TTC3: variants seen among roughly 807,000 people sequenced by gnomAD.
TTC3 encodes E3 ubiquitin-protein ligase TTC3.
A neutral mutation model predicts 249.6 loss-of-function variants in TTC3; 180 were observed. That is an observed-to-expected ratio of 0.72 (90% CI 0.64 to 0.82). The LOEUF is 0.82. TTC3 is among the 40% of genes least tolerant of loss of function. The pLI is 0.00. For synonymous variants in TTC3, 717 were observed against 805.0 expected, an observed-to-expected ratio of 0.89 and a Z score of 1.85; for missense variants, 2,061 against 2,398.4, an observed-to-expected ratio of 0.86 and a Z score of 2.94.
At chr21:37,155,845 T>C (rs528817134) in intron 27 of TTC3, among the ~76,000 whole-genome samples, 2 of 152,282 alleles carry the variant, frequency 1.3e-5, no homozygotes, top group South Asian at 2.1e-4. Context: ...GACCCACATT[T>C]TGGGGAATAA....
Position 37,073,484 on chromosome 21 carries a change from G to A in TTC3, c.-12+120G>A. ...CTCCGTGGGTGTGTGGTGAGTGTGG[G>A]TGTGTGCGCGTCTCCTCGCGTCCCT... On this transcript the variant is annotated intron_variant, in intron 1 of 45. Coordinates refer to ENST00000355666, the Ensembl canonical transcript of TTC3. The A allele has an allele frequency of 2.0e-6, 2 of 986,210 alleles. No homozygotes were observed. The highest frequency in any genetic ancestry group is 9.3e-5 in the South Asian group (2 of 21,422). The allele number at this position is 986,210 out of a possible 1,614,324, so 61.1% of individuals were successfully genotyped here.
At chr21:37,123,109 C>A in intron 13 of TTC3, 81 bp downstream of exon 13, 2 of 1,437,132 alleles carry the variant, frequency 1.4e-6, no homozygotes, top group South Asian at 1.2e-5. Flanking sequence ...ATGTTTGACG[C>A]TTTAGGAGCT....
intron 15 of TTC3, among the ~76,000 whole-genome samples, chr21:37,126,967 G>GTA (rs2077086996): frequency 6.6e-6 from 1 of 151,786 alleles, no homozygotes; most frequent in Admixed American, 6.6e-5. Context: ...CAATTCTCCT[G>GTA]CCTCAGCCTC....
At chr21:37,111,272 G>GGA (rs1400999679) in intron 11 of TTC3, among the ~76,000 whole-genome samples, 4 of 152,162 alleles carry the variant, frequency 2.6e-5, no homozygotes. Flanking sequence ...ATTGGATAAA[G>GGA]AGTCAAGACC....
At chr21:37,111,443 A>G (rs886961647) in intron 11 of TTC3, among the ~76,000 whole-genome samples, 1 of 152,228 alleles carries the variant, frequency 6.6e-6, no homozygotes, top group African/African-American at 2.4e-5. Context: ...ACAAAGATCA[A>G]AAGAGACAAG....
At chr21:37,125,004 C>G (rs3737424) in intron 14 of TTC3, among the ~76,000 whole-genome samples, 49,833 of 151,894 alleles carry the variant, frequency 0.33, 8,478 homozygotes, top group East Asian at 0.53. Context: ...CATTTTGCCG[C>G]TTCTCTTTGT....
chr21:37,127,777 C>G (rs2077150688), intron 15 of TTC3, among the ~76,000 whole-genome samples: 1 of 152,272 alleles, frequency 6.6e-6, no homozygotes, highest in Admixed American at 6.5e-5. Context: ...GCTCCATGTT[C>G]GCTCAGGCTC....
At chr21:37,182,153 T>A (rs1265925623) in intron 35 of TTC3, among the ~76,000 whole-genome samples, 1 of 152,164 alleles carries the variant, frequency 6.6e-6, no homozygotes, top group Non-Finnish European at 1.5e-5. Context: ...CTTGCTACAA[T>A]TAAATAGATG....
At chr21:37,089,734 G>A (rs1172132509) in intron 5 of TTC3, among the ~76,000 whole-genome samples, 10 of 151,968 alleles carry the variant, frequency 6.6e-5, no homozygotes, top group Non-Finnish European at 1.2e-4. Flanking sequence ...GGCTGGTCTC[G>A]AACTCCTGAC....
At chr21:37,146,403 C>G (rs757789425) in intron 21 of TTC3, among the ~76,000 whole-genome samples, 1 of 152,060 alleles carries the variant, frequency 6.6e-6, no homozygotes, top group Admixed American at 6.5e-5. Context: ...CCTGTAGTCC[C>G]AGCTACTCAG....
intron 25 of TTC3, 103 bp from the exon 26 acceptor site, chr21:37,151,790 A>C: frequency 7.6e-7 from 1 of 1,321,568 alleles, no homozygotes; most frequent in Non-Finnish European, 1.0e-6. Context: ...CCGGGCTCTG[A>C]TTAAAAAAGG....
intron 41 of TTC3, among the ~76,000 whole-genome samples, chr21:37,192,491 TTGTGTGTGTGTG>T (rs60538841): frequency 3.6e-5 from 5 of 140,690 alleles, no homozygotes; most frequent in Admixed American, 1.4e-4. Context: ...TCTTCTATCT[TTGTGTGTGTGTG>T]TGTGTGTGTG....
At chr21:37,181,528 G>T (rs984592957) in intron 35 of TTC3, among the ~76,000 whole-genome samples, 1 of 152,224 alleles carries the variant, frequency 6.6e-6, no homozygotes, top group African/African-American at 2.4e-5. Flanking sequence ...AGAAATTCAG[G>T]ATCAACAAGG....
chr21:37,105,252 G>C (rs867317874), intron 10 of TTC3, among the ~76,000 whole-genome samples: 22 of 152,278 alleles, frequency 1.4e-4, no homozygotes, highest in African/African-American at 4.6e-4. Context: ...GACAGCTAGC[G>C]TAGGCAGCTT....
In TTC3 at chr21:37,183,812, C is replaced by A. The variant is rs538755559; in HGVS notation, c.4757+899C>A. Among the ~76,000 whole-genome samples, 7 of 152,284 alleles carry A rather than the reference C, an allele frequency of 4.6e-5. No homozygotes were observed. In the South Asian group the frequency reaches 1.0e-3, roughly 23 times the overall value. On this transcript the variant is annotated intron_variant, in intron 36 of 45. Coordinates refer to ENST00000355666, the Ensembl canonical transcript of TTC3. ...GCAGAAGTGGAAGCCACTAGGCCTC[C>A]TGAAGGTTCAGGCCCAGAACTGTCA...
intron 30 of TTC3, among the ~76,000 whole-genome samples, chr21:37,161,507 G>A (rs148251204): frequency 0.015 from 2,328 of 152,294 alleles, 54 homozygotes; most frequent in African/African-American, 0.051. Flanking sequence ...GAACTCCTGC[G>A]TTCAAGCGAT....
intron 27 of TTC3, among the ~76,000 whole-genome samples, chr21:37,153,506 C>G (rs78083171): frequency 0.04 from 6,067 of 152,104 alleles, 320 homozygotes; most frequent in East Asian, 0.23. Context: ...AGACCTGTCT[C>G]TAAAAGAATT....
At chr21:37,165,477 A>G (rs3819265) in intron 32 of TTC3, 73 bp from the exon 33 acceptor site, 13,295 of 1,165,974 alleles carry the variant, frequency 0.011, 128 homozygotes, top group East Asian at 0.022. Flanking sequence ...TTGGGAGAAT[A>G]AAAGTTTTTT....
In TTC3 at chr21:37,122,011, C is replaced by T. The variant is rs775900642; in HGVS notation, c.1063+32C>T. 3.8e-6 allele frequency: 6 copies of T among 1,560,192 alleles called. No homozygotes were observed. In the Admixed American group the frequency reaches 1.2e-4, roughly 30 times the overall value. ...CACCTAAGATTCTTTTGGTTACAGT[C>T]TTAATTCCCTTTCAAACTTTGGAGG... is the stretch of plus-strand genomic sequence containing the variant. On this transcript the variant is annotated intron_variant, in intron 12 of 45. Coordinates refer to ENST00000355666, the Ensembl canonical transcript of TTC3.
Sources: gnomAD v4.1 joint callset for allele counts (sites outside exome capture counted in the v4.1 genomes callset) on GRCh38, gnomAD v4.1.1 for gene constraint, MANE v1.5 for transcripts, NCBI Gene and HGNC (gene_info 2026-07-23, HGNC 2026-07-21) for gene names.